The following EPHA6 variants were observed in gnomAD, a reference collection of about 807,000 sequenced individuals.
The protein encoded by EPHA6 is ephrin type-A receptor 6.
EPHA6 carries 50 observed loss-of-function variants against 112.0 expected under a neutral mutation model. The observed-to-expected ratio is 0.45, with a 90% CI of 0.36 to 0.56. The LOEUF (loss-of-function observed/expected upper bound fraction) is 0.56. Among genes scored for constraint, EPHA6 ranks in the 20% least tolerant of loss-of-function variants. The probability of loss-of-function intolerance (pLI) is 0.00; values close to 1 mark genes in which losing one functional copy is unlikely to be tolerated. For synonymous variants in EPHA6, 529 were observed against 490.7 expected (o/e 1.08, Z -1.03); for missense variants, 1,280 against 1,417.4 (o/e 0.90, Z 1.56).
intron 3 of EPHA6, among the ~76,000 whole-genome samples, chr3:97,068,932 G>A (rs1159810019): frequency 6.6e-6 from 1 of 152,126 alleles, no homozygotes; most frequent in Non-Finnish European, 1.5e-5. Context: ...ATAAATTTCT[G>A]TTGTTTATAA....
intron 3 of EPHA6, among the ~76,000 whole-genome samples, chr3:97,071,122 G>A (rs1421639873): frequency 2.0e-5 from 3 of 151,946 alleles, no homozygotes; most frequent in African/African-American, 7.2e-5. Context: ...TTAAGCCAAT[G>A]TCATGGTTTT....
At chr3:97,729,908 A>T (rs192925868) in intron 15 of EPHA6, among the ~76,000 whole-genome samples, 1 of 152,204 alleles carries the variant, frequency 6.6e-6, no homozygotes, top group East Asian at 1.9e-4. Flanking sequence ...TTCCACAAAG[A>T]TGTGAAGAAT....
At chr3:96,876,797 T>C (rs1349421674) in intron 2 of EPHA6, among the ~76,000 whole-genome samples, 4 of 152,140 alleles carry the variant, frequency 2.6e-5, no homozygotes, top group Non-Finnish European at 4.4e-5. Context: ...CCCCACTTTC[T>C]CTATCTCACT....
intron 3 of EPHA6, among the ~76,000 whole-genome samples, chr3:96,994,709 G>GTGTGTATA (rs1363786371): frequency 3.0e-5 from 3 of 98,478 alleles, no homozygotes; most frequent in African/African-American, 1.6e-4. Context: ...GTGTGTGTGT[G>GTGTGTATA]TATATATATA....
chr3:97,420,732 G>A (rs1351674032), intron 6 of EPHA6, among the ~76,000 whole-genome samples: 2 of 151,780 alleles, frequency 1.3e-5, no homozygotes, highest in South Asian at 2.1e-4. Context: ...ACTGAACGAG[G>A]GCAGTAGGAG....
intron 2 of EPHA6, among the ~76,000 whole-genome samples, chr3:96,947,709 T>G (rs2041341305): frequency 2.0e-5 from 3 of 152,134 alleles, no homozygotes; most frequent in African/African-American, 7.2e-5. Context: ...AAGGAGCTCT[T>G]CAAGGAGAAC....
intron 11 of EPHA6, chr3:97,572,835 G>C (rs1664041958): frequency 6.6e-6 from 1 of 152,002 alleles, no homozygotes; most frequent in Admixed American, 6.6e-5. Context: ...CAGGCTAATT[G>C]TTATAATTTT....
At chr3:97,258,228 G>A (rs975783814) in intron 5 of EPHA6, among the ~76,000 whole-genome samples, 8 of 149,314 alleles carry the variant, frequency 5.4e-5, no homozygotes, top group Admixed American at 2.7e-4. Flanking sequence ...TAAATTAGGT[G>A]ATTGTGTATG....
chr3:97,087,759 G>A (rs1444000618), intron 3 of EPHA6, among the ~76,000 whole-genome samples: 1 of 152,094 alleles, frequency 6.6e-6, no homozygotes, highest in Non-Finnish European at 1.5e-5. Flanking sequence ...AGATCTCACT[G>A]GCAGAATATC....
At chr3:96,982,065 T>G (rs2042816947) in intron 2 of EPHA6, among the ~76,000 whole-genome samples, 3 of 152,238 alleles carry the variant, frequency 2.0e-5, no homozygotes, top group African/African-American at 7.2e-5. Context: ...TCAGTTCTTC[T>G]CTAATCTTAG....
At chr3:97,124,058 G>C (rs2108309677) in intron 3 of EPHA6, among the ~76,000 whole-genome samples, 1 of 152,086 alleles carries the variant, frequency 6.6e-6, no homozygotes, top group Non-Finnish European at 1.5e-5. Flanking sequence ...TTTATGTTCT[G>C]CTCATTTAGT....
In EPHA6 at chr3:97,464,380, G is replaced by A. The variant is rs552974229; in HGVS notation, c.1895-10972G>A. Among the ~76,000 whole-genome samples, 9 of 152,132 alleles carry A rather than the reference G, an allele frequency of 5.9e-5. No individual in the cohort carries two copies. In the East Asian group the frequency reaches 1.7e-3, roughly 29 times the overall value. ...ATTTTGAGGTTGGTCTTTAATGAGT[G>A]CTTAGAATGTAAATTTTCTACTTTC... On this transcript the variant is annotated intron_variant, in intron 7 of 17. Coordinates refer to ENST00000389672, the MANE Select transcript of EPHA6 (RefSeq NM_001080448.3).
chr3:97,203,083 A>G (rs1027626150), intron 3 of EPHA6, among the ~76,000 whole-genome samples: 6 of 152,056 alleles, frequency 3.9e-5, no homozygotes. Flanking sequence ...AGGAGTTTGA[A>G]TTTTATTCTA....
chr3:97,124,848 G>T (rs768257978), intron 3 of EPHA6, among the ~76,000 whole-genome samples: 7 of 152,324 alleles, frequency 4.6e-5, no homozygotes, highest in Non-Finnish European at 8.8e-5. Context: ...GCCTGTCATT[G>T]TTGACCTCAG....
At chr3:97,416,955 C>T (rs1454729398) in intron 6 of EPHA6, among the ~76,000 whole-genome samples, 4 of 151,966 alleles carry the variant, frequency 2.6e-5, no homozygotes, top group African/African-American at 4.8e-5. Context: ...CAAGGTAAGG[C>T]ATTTACAAAT....
At chr3:96,883,747 C>T (rs560125615) in intron 2 of EPHA6, among the ~76,000 whole-genome samples, 1 of 152,128 alleles carries the variant, frequency 6.6e-6, no homozygotes, top group East Asian at 1.9e-4. Context: ...CTGACTGCAA[C>T]CTCCCACCTC....
rs79660764 is a variant in EPHA6, at chr3:97,759,417, T to C, written c.*10716T>C. The C allele has an allele frequency of 0.033, 7,568 of 225,998 alleles. 237 individuals carry two copies. Among genetic ancestry groups the C allele is most frequent in the African/African-American group, 0.094 (4,215 of 45,006 alleles). The allele number at this position is 225,998 out of a possible 1,614,324, so 14.0% of individuals were successfully genotyped here. A position where few individuals can be genotyped will look rare whatever the true frequency, so the allele number is the denominator to read the frequency against. On this transcript the variant is annotated 3_prime_UTR_variant, in exon 18 of 18. Coordinates refer to ENST00000389672, the MANE Select transcript of EPHA6 (RefSeq NM_001080448.3). ...AAAGGGAGCAAGAGAAATAGGATAA[T>C]AGCTGGAGAAAGGAAGTCAAGGAAT...
At chr3:97,429,625 T>G (rs2089375287) in intron 6 of EPHA6, among the ~76,000 whole-genome samples, 1 of 147,680 alleles carries the variant, frequency 6.8e-6, no homozygotes, top group African/African-American at 2.7e-5. Context: ...ATTCGAAAGT[T>G]TAAATGAAGT....
chr3:97,284,301 G>A (rs184700699), intron 5 of EPHA6, among the ~76,000 whole-genome samples: 19 of 152,182 alleles, frequency 1.2e-4, no homozygotes, highest in Non-Finnish European at 2.9e-5. Flanking sequence ...ATTACTGGAA[G>A]TTTCATTTTA....
Sources: gnomAD v4.1 joint callset for allele counts (sites outside exome capture counted in the v4.1 genomes callset) on GRCh38, gnomAD v4.1.1 for gene constraint, MANE v1.5 for transcripts, NCBI Gene and HGNC (gene_info 2026-07-23, HGNC 2026-07-21) for gene names.